L2HGDH: variants seen among roughly 807,000 people sequenced by gnomAD.
The protein encoded by L2HGDH is L-2-hydroxyglutarate dehydrogenase, mitochondrial.
Under a neutral mutation model 51.5 loss-of-function variants are expected in L2HGDH, and 34 were observed. The observed-to-expected ratio is 0.66, with a 90% CI of 0.50 to 0.88. The LOEUF (loss-of-function observed/expected upper bound fraction) is 0.88. Among genes scored for constraint, L2HGDH ranks in the 40% least tolerant of loss-of-function variants. The pLI, the probability that L2HGDH is intolerant of heterozygous loss-of-function variation, is 0.00. For missense variants in L2HGDH, 558 were observed against 571.9 expected (o/e 0.98, Z 0.25); for synonymous variants, 198 against 197.9 (o/e 1.00, Z -0.01).
At chr14:50,287,615 C>T (rs1890629610) in intron 4 of L2HGDH, among the ~76,000 whole-genome samples, 1 of 148,128 alleles carries the variant, frequency 6.8e-6, no homozygotes, top group South Asian at 2.1e-4. Flanking sequence ...GATAGGAGCA[C>T]ATCAATGAAA....
At chr14:50,293,726 G>A (rs144196658) in intron 4 of L2HGDH, among the ~76,000 whole-genome samples, 108 of 152,240 alleles carry the variant, frequency 7.1e-4, no homozygotes, top group African/African-American at 2.4e-3. Flanking sequence ...ATGGCTCCCC[G>A]TGCCTACTGG....
chr14:50,245,621 G>A lies in L2HGDH; in HGVS notation c.*1437C>T. The A allele has an allele frequency of 1.0e-6, 1 of 974,980 alleles. No homozygotes were observed. Among genetic ancestry groups the A allele is most frequent in the Non-Finnish European group, 1.2e-6 (1 of 820,596 alleles). The allele number at this position is 974,980 out of a possible 1,614,324, so 60.4% of individuals were successfully genotyped here. On this transcript the variant is annotated 3_prime_UTR_variant, in exon 10 of 10. Transcript: ENST00000267436. Reference sequence around the variant, plus strand: ...CAAATATTGTTGCTCTAAATAATGTGAGTTTTGTGACTCTTCAAAATTAAA... The same window carrying A: ...CAAATATTGTTGCTCTAAATAATGTAAGTTTTGTGACTCTTCAAAATTAAA...
intron 9 of L2HGDH, among the ~76,000 whole-genome samples, chr14:50,253,889 G>C (rs962586572): frequency 1.3e-5 from 2 of 152,100 alleles, no homozygotes; most frequent in African/African-American, 2.4e-5. Flanking sequence ...CATCAACATG[G>C]AGGTCATTAT....
At chr14:50,276,324 T>C (rs1889978423) in intron 6 of L2HGDH, among the ~76,000 whole-genome samples, 1 of 152,230 alleles carries the variant, frequency 6.6e-6, no homozygotes. Context: ...AAATTATAAA[T>C]ATTGGCTATG....
intron 5 of L2HGDH, among the ~76,000 whole-genome samples, chr14:50,280,032 C>T (rs1336534211): frequency 6.7e-6 from 1 of 150,050 alleles, no homozygotes; most frequent in South Asian, 2.1e-4. Context: ...TGCACTCCAG[C>T]CTGGGCAATA....
chr14:50,263,839 G>C (rs535695653), intron 9 of L2HGDH, among the ~76,000 whole-genome samples: 16 of 147,564 alleles, frequency 1.1e-4, no homozygotes, highest in African/African-American at 3.5e-4. Context: ...GCAATGGTGT[G>C]ATCTTGCCTC....
At chr14:50,288,839 T>A (rs1029750227) in intron 4 of L2HGDH, among the ~76,000 whole-genome samples, 2 of 152,238 alleles carry the variant, frequency 1.3e-5, no homozygotes, top group African/African-American at 4.8e-5. Flanking sequence ...CCTCCTCTGG[T>A]CAGCTCATCA....
At position 50,256,380 on chromosome 14, in the gene L2HGDH, C is replaced by G. The variant is rs562950901; in HGVS notation, c.1196+8978G>C. On this transcript the variant is annotated intron_variant, in intron 9 of 9. Coordinates refer to ENST00000267436, the MANE Select transcript of L2HGDH (RefSeq NM_024884.3). ...AATAATAACTAGGCAGGTGTGGTGG[C>G]ACACACCTGTTGTCCTAGCTATTTG... Among the ~76,000 whole-genome samples the G allele has an allele frequency of 4.7e-4, 72 of 151,848 alleles. 1 individual carries two copies. Among genetic ancestry groups the G allele is most frequent in the African/African-American group, 1.5e-3 (64 of 41,404 alleles).
rs556354250 is a variant in L2HGDH at position 50,308,658 on chromosome 14, G to T, written c.140+3353C>A. 4.0e-3 allele frequency among the ~76,000 whole-genome samples: 611 copies of T among 152,292 alleles called. 5 individuals carry two copies. Among genetic ancestry groups the T allele is most frequent in the African/African-American group, 0.014 (588 of 41,570 alleles). On this transcript the variant is annotated intron_variant, in intron 1 of 9. Transcript: ENST00000267436. ...TGGATTACTCACACATAGCTGGTGG[G>T]AATGTAAAATAGTACAGCCACTCTG...
intron 3 of L2HGDH, among the ~76,000 whole-genome samples, chr14:50,297,564 T>C (rs773300374): frequency 6.6e-6 from 1 of 152,158 alleles, no homozygotes; most frequent in Non-Finnish European, 1.5e-5. Flanking sequence ...ACAGACCAAA[T>C]GGACCTAACA....
At chr14:50,303,156 G>T in intron 1 of L2HGDH, 139 bp from the exon 2 acceptor site, 1 of 607,806 alleles carries the variant, frequency 1.6e-6, no homozygotes, top group Non-Finnish European at 3.0e-6. Flanking sequence ...GGTCGCAGTG[G>T]CTCACACCTG....
intron 2 of L2HGDH, 104 bp from the exon 3 acceptor site, chr14:50,302,272 G>A (rs1219340651): frequency 4.9e-6 from 6 of 1,220,554 alleles, no homozygotes; most frequent in African/African-American, 1.5e-5. Context: ...ACCACATCAT[G>A]TAAAATTCTG....
At chr14:50,301,392 T>C (rs940608737) in intron 3 of L2HGDH, among the ~76,000 whole-genome samples, 4 of 152,098 alleles carry the variant, frequency 2.6e-5, no homozygotes, top group African/African-American at 9.7e-5. Context: ...AGCAGCATTA[T>C]CCATAATAGC....
Position 50,312,206 on chromosome 14 carries a change from G to T in L2HGDH, c.-56C>A, listed in dbSNP as rs1013606366. ...CAGAAGAAGCCACTTGACCCTCCAC[G>T]GCCGAGGACCCGCGCTCTTTAGCCC... is the stretch of plus-strand genomic sequence containing the variant. On this transcript the variant is annotated 5_prime_UTR_variant, in exon 1 of 10. Coordinates refer to ENST00000267436, the MANE Select transcript of L2HGDH (RefSeq NM_024884.3). 1.4e-5 allele frequency: 22 copies of T among 1,596,200 alleles called. No individual in the cohort carries two copies. The South Asian group carries it at 2.0e-4, about 15-fold the overall frequency.
chr14:50,243,020 C>A lies in L2HGDH; in HGVS notation c.*4038G>T, dbSNP rs921669524. The A allele has an allele frequency of 8.1e-6, 8 of 985,346 alleles. No homozygotes were observed. Among genetic ancestry groups the A allele is most frequent in the Non-Finnish European group, 9.6e-6 (8 of 829,960 alleles). The allele number at this position is 985,346 out of a possible 1,614,324, so 61.0% of individuals were successfully genotyped here. ...AGGGCCTGGCAGTATACCCCATTCT[C>A]ACCACCATCCTTTGAAGAAAGTTCT... On this transcript the variant is annotated 3_prime_UTR_variant, in exon 10 of 10. Transcript: ENST00000267436.
rs1356043848 is a variant in L2HGDH, at chr14:50,294,141, T to C, written c.514A>G (p.Ile172Val). 1 of 1,614,040 alleles carries C rather than the reference T, an allele frequency of 6.2e-7. No individual in the cohort carries two copies. Among genetic ancestry groups the C allele is most frequent in the Admixed American group, 1.7e-5 (1 of 60,010 alleles). The change falls in exon 4 of 10, where the codon ATA becomes GTA. Residue 172 changes from isoleucine (I) to valine (V), a missense_variant. Coordinates refer to ENST00000267436, the MANE Select transcript of L2HGDH (RefSeq NM_024884.3). ...CTACAATATGGCTCCTTCTTTTTTA[T>C]ATCCTCCTGCTGGATCAGCCTCAGG... ...PGLRLIQQED[I>V]KKKEPYCRGL... is the part of the protein sequence containing the mutation.
intron 4 of L2HGDH, among the ~76,000 whole-genome samples, chr14:50,284,539 A>G (rs377189001): frequency 2.8e-4 from 42 of 152,318 alleles, no homozygotes; most frequent in East Asian, 2.1e-3. Context: ...ATGTTCATCA[A>G]TCTGTAGATG....
At position 50,312,002 on chromosome 14, in the gene L2HGDH, G is replaced by A. The variant is rs1355189948; in HGVS notation, c.140+9C>T. 9 of 1,557,506 alleles carry A rather than the reference G, an allele frequency of 5.8e-6. No individual in the cohort carries two copies. Among genetic ancestry groups the A allele is most frequent in the Non-Finnish European group, 7.8e-6 (9 of 1,153,762 alleles). ...GCGCAGGCGGCGGGGAGGACCAGCG[G>A]CCACTCACCTGGTGCTGGCGCTGCG... On this transcript the variant is annotated intron_variant, in intron 1 of 9. Coordinates refer to ENST00000267436, the MANE Select transcript of L2HGDH (RefSeq NM_024884.3).
intron 1 of L2HGDH, among the ~76,000 whole-genome samples, chr14:50,306,464 A>G (rs1434026160): frequency 6.6e-6 from 1 of 152,078 alleles, no homozygotes; most frequent in African/African-American, 2.4e-5. Flanking sequence ...CTATGATGCT[A>G]TGTTTTGCCT....
Sources: allele counts gnomAD v4.1 joint callset (sites outside exome capture counted in the v4.1 genomes callset), GRCh38; gene constraint gnomAD v4.1.1; transcripts MANE v1.5; gene names NCBI Gene and HGNC (gene_info 2026-07-23, HGNC 2026-07-21).